The following PRKDC variants were observed in gnomAD, a reference collection of about 807,000 sequenced individuals.
PRKDC encodes the protein DNA-dependent protein kinase catalytic subunit.
Under a neutral mutation model 486.9 loss-of-function variants are expected in PRKDC, and 82 were observed. The observed-to-expected ratio is 0.17, with a 90% CI of 0.14 to 0.20. The LOEUF is 0.20. Ranked by LOEUF, PRKDC falls within the 10% of genes least tolerant of loss-of-function variation. The pLI is 1.00. For synonymous variants in PRKDC, 1,895 were observed against 1,837.0 expected, an observed-to-expected ratio of 1.03 and a Z score of -0.81; for missense variants, 4,504 against 5,038.2, an observed-to-expected ratio of 0.89 and a Z score of 3.21.
At chr8:47,825,359 A>C (rs1255206181) in intron 63 of PRKDC, among the ~76,000 whole-genome samples, 1 of 152,040 alleles carries the variant, frequency 6.6e-6, no homozygotes, top group African/African-American at 2.4e-5. Flanking sequence ...AAATACAAAA[A>C]TTAGCTGGGC....
intron 30 of PRKDC, among the ~76,000 whole-genome samples, chr8:47,896,592 A>G (rs2089586676): frequency 6.7e-6 from 1 of 150,148 alleles, no homozygotes; most frequent in Non-Finnish European, 1.5e-5. Flanking sequence ...GCTTGCAGTG[A>G]GCTGAGATAG....
intron 40 of PRKDC, among the ~76,000 whole-genome samples, chr8:47,866,213 T>C (rs189615105): frequency 7.8e-4 from 116 of 148,964 alleles, no homozygotes; most frequent in Non-Finnish European, 1.0e-3. Flanking sequence ...CCTTCTACCA[T>C]GGATGACTCA....
At chr8:47,830,989 T>G (rs1346640726) in intron 60 of PRKDC, among the ~76,000 whole-genome samples, 1 of 152,140 alleles carries the variant, frequency 6.6e-6, no homozygotes, top group African/African-American at 2.4e-5. Context: ...ATCGGAAAAT[T>G]TGATTTAGAA....
intron 49 of PRKDC, 111 bp from the exon 50 acceptor site, chr8:47,855,484 C>T: frequency 8.7e-7 from 1 of 1,144,888 alleles, no homozygotes; most frequent in Non-Finnish European, 1.2e-6. Context: ...GAGTCCGGCT[C>T]CTGTTGAAAG....
chr8:47,807,425 TC>T, intron 68 of PRKDC, 99 bp from the exon 69 acceptor site: 1 of 1,124,372 alleles, frequency 8.9e-7, no homozygotes, highest in Non-Finnish European at 1.2e-6. Context: ...AAATGTTTGT[TC>T]TTTTTTTTTT....
intron 42 of PRKDC, 54 bp downstream of exon 42, chr8:47,863,345 T>C (rs1168601563): frequency 7.2e-7 from 1 of 1,398,390 alleles, no homozygotes; most frequent in African/African-American, 1.5e-5. Context: ...TAAAAATATA[T>C]GTACCCAAAG....
At chr8:47,854,333 T>C in intron 50 of PRKDC, 119 bp from the exon 51 acceptor site, 2 of 1,152,420 alleles carry the variant, frequency 1.7e-6, no homozygotes, top group African/African-American at 3.1e-5. Flanking sequence ...CAGGCTGGAG[T>C]GCAGTGGCGT....
intron 74 of PRKDC, among the ~76,000 whole-genome samples, chr8:47,791,987 T>G (rs993096965): frequency 6.6e-6 from 1 of 152,106 alleles, no homozygotes; most frequent in Non-Finnish European, 1.5e-5. Context: ...ATGCAGTACA[T>G]ACATGCAATA....
chr8:47,812,239 G>GT (rs1304958054), intron 68 of PRKDC, among the ~76,000 whole-genome samples: 1 of 152,112 alleles, frequency 6.6e-6, no homozygotes, highest in African/African-American at 2.4e-5. Context: ...CAAACAAGCA[G>GT]TAAAGACATG....
At chr8:47,861,652 G>C (rs2088680054) in intron 44 of PRKDC, among the ~76,000 whole-genome samples, 1 of 152,200 alleles carries the variant, frequency 6.6e-6, no homozygotes, top group African/African-American at 2.4e-5. Flanking sequence ...GTCAATCTGA[G>C]CTTGGCTAAA....
At position 47,831,810 on chromosome 8, in the gene PRKDC, A is replaced by AGTAT. The variant is rs1563757029; in HGVS notation, c.8265+3_8265+4insATAC. 1 of 1,613,368 alleles carries AGTAT rather than the reference A, an allele frequency of 6.2e-7. No individual in the cohort carries two copies. ...TCTGATCAAATTCTTGACAAGATAC[A>AGTAT]AACCTTCTCTCGTTTTTGCTCAGCA... On this transcript the variant is annotated splice_donor_region_variant and intron_variant, in intron 60 of 85. Coordinates refer to ENST00000314191, the MANE Select transcript of PRKDC (RefSeq NM_006904.7).
intron 40 of PRKDC, among the ~76,000 whole-genome samples, chr8:47,869,230 A>T (rs1268398234): frequency 6.6e-6 from 1 of 151,788 alleles, no homozygotes; most frequent in Non-Finnish European, 1.5e-5. Flanking sequence ...CCCCAAACCC[A>T]AGTAGTACAG....
chr8:47,794,225 G>A (rs963314901), intron 74 of PRKDC, 65 bp downstream of exon 74: 1 of 1,354,576 alleles, frequency 7.4e-7, no homozygotes, highest in African/African-American at 1.4e-5. Context: ...CCACGTGTGT[G>A]CTTTAACCAC....
intron 22 of PRKDC, among the ~76,000 whole-genome samples, chr8:47,916,146 T>A (rs1301436494): frequency 6.6e-6 from 1 of 152,090 alleles, no homozygotes; most frequent in Non-Finnish European, 1.5e-5. Context: ...TCACCACCAA[T>A]CTTATTAGAA....
intron 68 of PRKDC, among the ~76,000 whole-genome samples, chr8:47,814,786 A>T (rs1418486537): frequency 6.6e-6 from 1 of 152,200 alleles, no homozygotes; most frequent in East Asian, 1.9e-4. Context: ...TCAAAATCTC[A>T]GCAGTTTTTC....
chr8:47,927,217 T>C lies in PRKDC; in HGVS notation c.2396A>G (p.Tyr799Cys), dbSNP rs2090169883. The C allele has an allele frequency of 3.1e-6, 5 of 1,613,708 alleles. No homozygotes were observed. In the East Asian group the frequency reaches 1.1e-4, roughly 36 times the overall value. The change falls in exon 21 of 86, where the codon TAC (tyrosine) becomes TGC (cysteine). Residue 799 changes from tyrosine (Y) to cysteine (C), a missense_variant. Tyr to Cys is a radical substitution (Grantham distance 194). Coordinates refer to ENST00000314191, the MANE Select transcript of PRKDC (RefSeq NM_006904.7). ...ACCTGACAAGGCTGAAGTCTTCAGG[T>C]ATCCATCCAGGCAGGGGAGAATGTC... is the stretch of plus-strand genomic sequence containing the variant. ...YKDILPCLDG[Y>C]LKTSALSDET...
At chr8:47,794,038 T>G (rs1171605933) in intron 74 of PRKDC, among the ~76,000 whole-genome samples, 2 of 152,178 alleles carry the variant, frequency 1.3e-5, no homozygotes, top group African/African-American at 4.8e-5. Context: ...ATCTAGTCTA[T>G]CCCAAGCAAT....
chr8:47,940,158 A>G (rs2090419700), intron 10 of PRKDC, among the ~76,000 whole-genome samples: 1 of 152,182 alleles, frequency 6.6e-6, no homozygotes, highest in Admixed American at 6.5e-5. Flanking sequence ...GGGACCAGTG[A>G]CTTCAGACGT....
chr8:47,799,605 CAAGCCCAGCGCGG>C (rs1563740674), intron 71 of PRKDC, among the ~76,000 whole-genome samples: 1 of 152,200 alleles, frequency 6.6e-6, no homozygotes, highest in Non-Finnish European at 1.5e-5. Context: ...AACAAAAATG[CAAGCCCAGCGCGG>C]GCCAGATGGT....
Sources: allele counts gnomAD v4.1 joint callset (sites outside exome capture counted in the v4.1 genomes callset), GRCh38; gene constraint gnomAD v4.1.1; transcripts MANE v1.5; gene names NCBI Gene and HGNC (gene_info 2026-07-23, HGNC 2026-07-21).